BCL3: variants seen among roughly 807,000 people sequenced by gnomAD.
The protein encoded by BCL3 is B-cell lymphoma 3 protein.
BCL3 carries 15 observed loss-of-function variants against 35.7 expected under a neutral mutation model. The observed-to-expected ratio is 0.42, with a 90% CI of 0.28 to 0.65. The LOEUF (loss-of-function observed/expected upper bound fraction) is 0.65, where lower values mean the gene tolerates loss of function less well. Among genes scored for constraint, BCL3 ranks in the 30% least tolerant of loss-of-function variants. The probability of loss-of-function intolerance (pLI) is 0.22; values close to 1 mark genes in which losing one functional copy is unlikely to be tolerated. For missense variants in BCL3, 565 were observed against 641.7 expected (o/e 0.88, Z 1.29); for synonymous variants, 311 against 284.3 (o/e 1.09, Z -0.95).
intron 1 of BCL3, among the ~76,000 whole-genome samples, chr19:44,749,269 A>C (rs1967129871): frequency 1.1e-5 from 1 of 91,224 alleles, no homozygotes; most frequent in Non-Finnish European, 2.4e-5. Flanking sequence ...GGCAAAGCCC[A>C]GGGGCTGAGT....
intron 2 of BCL3, among the ~76,000 whole-genome samples, chr19:44,753,475 C>G (rs1181293673): frequency 1.3e-5 from 2 of 152,214 alleles, no homozygotes; most frequent in African/African-American, 4.8e-5. Context: ...AGAACTTGAC[C>G]GCAACCCAGC....
At position 44,759,212 on chromosome 19, in the gene BCL3, C is replaced by T. The variant is rs1173505101; in HGVS notation, c.1178-216C>T. ...CTCACACCCCCAGCCCCTCCTCCTT[C>T]TGACCCCCGGCCCCTCTTCCTTCAG... On this transcript the variant is annotated intron_variant, in intron 8 of 8. Transcript: ENST00000164227. Among the ~76,000 whole-genome samples, 6 of 135,766 alleles carry T rather than the reference C, an allele frequency of 4.4e-5. No homozygotes were observed. The Admixed American group carries it at 4.4e-4, about 10-fold the overall frequency. 89.1% of individuals were successfully genotyped at this position (135,766 alleles called of 152,430 possible).
At position 44,757,449 on chromosome 19, in the gene BCL3, GC is replaced by G. The variant is rs1837273914; in HGVS notation, c.813+36del. The G allele has an allele frequency of 1.3e-6, 2 of 1,500,842 alleles. No individual in the cohort carries two copies. Among genetic ancestry groups the G allele is most frequent in the Admixed American group, 3.9e-5 (2 of 51,142 alleles). 93.0% of individuals were successfully genotyped at this position (1,500,842 alleles called of 1,614,324 possible). ...GCACTAGGAGCTGGGAGGGAGCGGG[GC>G]CTTAGCAGGGGCGGGGTCTTGGCGG... On this transcript the variant is annotated intron_variant, in intron 5 of 8. Transcript: ENST00000164227. The surrounding 1 kb of genome is among the most constrained non-coding windows in gnomAD (Gnocchi z 8.4).
chr19:44,758,218 C>T, intron 6 of BCL3, 28 bp from the exon 7 acceptor site: 1 of 1,462,760 alleles, frequency 6.8e-7, no homozygotes, highest in South Asian at 1.4e-5. Flanking sequence ...CCCGCGCGCC[C>T]TCCTGACCCG....
intron 2 of BCL3, among the ~76,000 whole-genome samples, chr19:44,754,523 GCTGGGTCGCCCCTCCCGTCCCCAC>G (rs1568544485): frequency 6.6e-6 from 1 of 152,194 alleles, no homozygotes. Flanking sequence ...AAGTCCGAGG[GCTGGGTCGCCCCTCCCGTCCCCAC>G]TTCCTCCAGC....
chr19:44,753,208 G>C (rs560855884), intron 2 of BCL3, among the ~76,000 whole-genome samples: 30 of 152,318 alleles, frequency 2.0e-4, no homozygotes, highest in African/African-American at 7.2e-4. Flanking sequence ...AAGTGGCCTA[G>C]ATTATAAAGA....
chr19:44,757,552 G>A lies in BCL3; in HGVS notation c.814-94G>A, dbSNP rs978168434. ...CTTGGAGTATCAGACCCAAGAGAGA[G>A]GCTGGACCCCGCGAATGGGATGTGG... On this transcript the variant is annotated intron_variant, in intron 5 of 8. Coordinates refer to ENST00000164227, the MANE Select transcript of BCL3 (RefSeq NM_005178.5). The surrounding 1 kb of genome is among the most constrained non-coding windows in gnomAD (Gnocchi z 8.4). 6.5e-7 allele frequency: 1 copy of A among 1,543,584 alleles called. No homozygotes were observed. The highest frequency in any genetic ancestry group is 8.9e-7 in the Non-Finnish European group (1 of 1,122,478).
At chr19:44,749,076 T>A in intron 1 of BCL3, 30 bp downstream of exon 1, 1 of 1,220,626 alleles carries the variant, frequency 8.2e-7, no homozygotes, top group African/African-American at 1.6e-5. Context: ...CCGGGCCGGG[T>A]GGGATCCACA....
rs1246257889 is a variant in BCL3 at position 44,757,421 on chromosome 19, C to T, written c.813+6C>T. 4.2e-6 allele frequency: 6 copies of T among 1,439,722 alleles called. No individual in the cohort carries two copies. Among genetic ancestry groups the T allele is most frequent in the East Asian group, 6.8e-5 (2 of 29,584 alleles). 89.2% of individuals were successfully genotyped at this position (1,439,722 alleles called of 1,614,324 possible). ...GTGCCGACATCGACGCAGTGGTGAG[C>T]GTGCACTAGGAGCTGGGAGGGAGCG... On this transcript the variant is annotated splice_donor_region_variant and intron_variant, in intron 5 of 8. Transcript: ENST00000164227. This position sits in a 1 kb window ranked among gnomAD's most constrained non-coding sequence, Gnocchi z 8.4.
At chr19:44,748,341 G>C (rs911254541), upstream of BCL3, among the ~76,000 whole-genome samples, 3 of 152,154 alleles carry the variant, frequency 2.0e-5, no homozygotes, top group African/African-American at 4.8e-5. Context: ...GACAGTTACA[G>C]ACTCAGAGAT....
intron 8 of BCL3, among the ~76,000 whole-genome samples, chr19:44,759,103 T>A (rs1299498429): frequency 2.4e-5 from 2 of 84,088 alleles, no homozygotes; most frequent in Non-Finnish European, 4.5e-5. Context: ...CAGCCCCTCT[T>A]ATCTCAAACC....
At position 44,758,806 on chromosome 19, in the gene BCL3, C is replaced by G; in HGVS notation, c.1142C>G (p.Thr381Ser). 2 of 1,606,844 alleles carry G rather than the reference C, an allele frequency of 1.2e-6. No homozygotes were observed. The highest frequency in any genetic ancestry group is 1.7e-6 in the Non-Finnish European group (2 of 1,177,546). The change falls in exon 8 of 9, where the codon ACC (threonine) becomes AGC (serine). Residue 381 changes from threonine (T) to serine (S), a missense_variant. By Grantham distance (58) the Thr-to-Ser change is moderately conservative (BLOSUM62 1). This residue lies in a region of BCL3 where 151 missense variants were observed against 138.1 expected (regional missense o/e 1.09). Coordinates refer to ENST00000164227, the MANE Select transcript of BCL3 (RefSeq NM_005178.5). ...CCCTCCCCTGACCGGAGCGCCAACA[C>G]CTCCCCCGAGAGCAGCAGCCGCCTC... ...PDPSPDRSAN[T>S]SPESSSRLSS...
At chr19:44,748,039 G>A (rs1464650938), upstream of BCL3, 1 of 1,343,474 alleles carries the variant, frequency 7.4e-7, no homozygotes, top group South Asian at 1.2e-5. Flanking sequence ...CCTGCCGAGT[G>A]CCAGTCCCTG....
intron 2 of BCL3, among the ~76,000 whole-genome samples, chr19:44,754,358 G>C (rs545532841): frequency 6.6e-6 from 1 of 152,276 alleles, no homozygotes; most frequent in African/African-American, 2.4e-5. Flanking sequence ...CACCTCAAGG[G>C]AGCTAGGTCT....
intron 7 of BCL3, 77 bp downstream of exon 7, chr19:44,758,490 G>T: frequency 6.7e-7 from 1 of 1,489,648 alleles, no homozygotes; most frequent in Non-Finnish European, 9.0e-7. Context: ...GTGCCAGAGC[G>T]CAGAGGAGTG....
chr19:44,749,005 C>T lies in BCL3; in HGVS notation c.215C>T (p.Pro72Leu). The T allele has an allele frequency of 2.2e-6, 3 of 1,384,678 alleles. No individual in the cohort carries two copies. Among genetic ancestry groups the T allele is most frequent in the Non-Finnish European group, 2.8e-6 (3 of 1,068,040 alleles). 85.8% of individuals were successfully genotyped at this position (1,384,678 alleles called of 1,614,324 possible). The change falls in exon 1 of 9, where the codon CCC becomes CTC. Residue 72 changes from proline to leucine, a missense_variant. Physicochemically the swap from Pro to Leu is moderately conservative, Grantham distance 98 (BLOSUM62 -3). Around this residue, in one of 5 missense-constraint regions of BCL3, gnomAD observed 267 missense variants for 281.5 expected, o/e 0.95. Transcript: ENST00000164227. ...GGCDLPAVPG[P>L]PHGLARPEAL... ...TGCGACCTGCCGGCGGTCCCCGGGC[C>T]CCCCCACGGCCTGGCCCGGCCGGAG... is the stretch of plus-strand genomic sequence containing the variant.
In BCL3 at chr19:44,759,592, T is replaced by C. The variant is rs2122316334; in HGVS notation, c.1342T>C (p.Ser448Pro). Residue 448 changes from serine (S) to proline (P), a missense_variant, in exon 9 of 9, where the codon TCC becomes CCC. By Grantham distance (74) the Ser-to-Pro change is moderately conservative. Coordinates refer to ENST00000164227, the MANE Select transcript of BCL3 (RefSeq NM_005178.5). ...AGGCCCTGGCCGGCCGGTGCCCCCCTCCCCAGCTCCAGGAGGCAGCTGAGG... is the reference window on the plus strand; with the variant it reads ...AGGCCCTGGCCGGCCGGTGCCCCCCCCCCCAGCTCCAGGAGGCAGCTGAGG... ...LRGPGRPVPP[S>P]PAPGGS The C allele has an allele frequency of 6.2e-7, 1 of 1,605,256 alleles. No individual in the cohort carries two copies. Among genetic ancestry groups the C allele is most frequent in the Non-Finnish European group, 8.5e-7 (1 of 1,177,954 alleles).
intron 2 of BCL3, among the ~76,000 whole-genome samples, chr19:44,752,172 G>A (rs932231056): frequency 4.0e-5 from 6 of 151,014 alleles, no homozygotes; most frequent in African/African-American, 1.5e-4. Context: ...GGGTTCTACT[G>A]TGACATTTTC....
intron 3 of BCL3, among the ~76,000 whole-genome samples, 189 bp downstream of exon 3, chr19:44,756,529 G>T (rs898497009): frequency 6.7e-6 from 1 of 148,180 alleles, no homozygotes; most frequent in African/African-American, 2.6e-5. Context: ...TGGGATCCGG[G>T]GTCTGATGGA....
Sources: allele counts gnomAD v4.1 joint callset (sites outside exome capture counted in the v4.1 genomes callset), GRCh38; gene constraint gnomAD v4.1.1; regional missense constraint gnomAD v4.1.1; non-coding constraint Gnocchi (gnomAD v3.1); transcripts MANE v1.5; gene names NCBI Gene and HGNC (gene_info 2026-07-23, HGNC 2026-07-21).